SDHAF3: variants seen among roughly 807,000 people sequenced by gnomAD.
The protein encoded by SDHAF3 is succinate dehydrogenase assembly factor 3, mitochondrial.
SDHAF3 carries 18 observed loss-of-function variants against 11.5 expected under a neutral mutation model. The ratio of observed to expected loss-of-function variants is 1.56; its 90% CI spans 1.08 to 2.32. The LOEUF is 2.32. Ranked by LOEUF, SDHAF3 falls within the 30% of genes most tolerant of loss-of-function variation. The probability of loss-of-function intolerance (pLI) is 0.00; values close to 1 mark genes in which losing one functional copy is unlikely to be tolerated. For synonymous variants in SDHAF3, 72 were observed against 59.3 expected (o/e 1.21, Z -0.99); for missense variants, 200 against 154.4 (o/e 1.30, Z -1.57).
At chr7:97,146,062 G>C (rs1312298810) in intron 1 of SDHAF3, among the ~76,000 whole-genome samples, 1 of 151,948 alleles carries the variant, frequency 6.6e-6, no homozygotes, top group African/African-American at 2.4e-5. Flanking sequence ...TGATGACCTG[G>C]AAAAGATAAA....
chr7:97,122,917 C>CTT (rs59277904), intron 1 of SDHAF3, among the ~76,000 whole-genome samples: 4 of 147,004 alleles, frequency 2.7e-5, no homozygotes, highest in South Asian at 4.3e-4. Flanking sequence ...TTTTTCTTTT[C>CTT]TTTTTTTTTT....
At chr7:97,158,110 C>T (rs1346880484) in intron 1 of SDHAF3, among the ~76,000 whole-genome samples, 1 of 144,504 alleles carries the variant, frequency 6.9e-6, no homozygotes, top group Non-Finnish European at 1.6e-5. Context: ...ACGTTGTGCA[C>T]AGGTTAACTT....
intron 1 of SDHAF3, among the ~76,000 whole-genome samples, chr7:97,166,777 A>G (rs1200609019): frequency 6.6e-6 from 1 of 152,052 alleles, no homozygotes; most frequent in African/African-American, 2.4e-5. Flanking sequence ...TTTTAGGTTT[A>G]CAGGAATTAT....
At chr7:97,163,800 C>T (rs1311442942) in intron 1 of SDHAF3, among the ~76,000 whole-genome samples, 1 of 152,048 alleles carries the variant, frequency 6.6e-6, no homozygotes, top group African/African-American at 2.4e-5. Context: ...CAATTGTTTC[C>T]TTTCCATGTT....
chr7:97,144,296 C>G (rs1789103712), intron 1 of SDHAF3, among the ~76,000 whole-genome samples: 1 of 152,222 alleles, frequency 6.6e-6, no homozygotes, highest in African/African-American at 2.4e-5. Flanking sequence ...TGTCTGTTTG[C>G]TGACTGTCCT....
rs142355289 is a variant in SDHAF3, at chr7:97,140,499, G to A, written c.174+22602G>A. Among the ~76,000 whole-genome samples, 1,198 of 152,008 alleles carry A rather than the reference G, an allele frequency of 7.9e-3. 9 individuals carry two copies. The highest frequency in any genetic ancestry group is 0.011 in the Non-Finnish European group (738 of 67,940). ...TAGCTGGGACTACATGTTGCAGGAA[G>A]TCAGGGACCCCGAATGGAGGGACCA... On this transcript the variant is annotated intron_variant, in intron 1 of 1. Coordinates refer to ENST00000432641, the MANE Select transcript of SDHAF3 (RefSeq NM_020186.3).
chr7:97,172,823 TATA>T (rs1004828588), intron 1 of SDHAF3, among the ~76,000 whole-genome samples: 5 of 152,208 alleles, frequency 3.3e-5, no homozygotes, highest in Admixed American at 3.3e-4. Flanking sequence ...AAAAAATTAT[TATA>T]ATAAGATGTT....
intron 1 of SDHAF3, among the ~76,000 whole-genome samples, chr7:97,151,161 A>C (rs1463561735): frequency 1.3e-5 from 2 of 152,060 alleles, no homozygotes; most frequent in Non-Finnish European, 2.9e-5. Context: ...TTTACTGCAC[A>C]CTCCGAAGTT....
intron 1 of SDHAF3, among the ~76,000 whole-genome samples, chr7:97,174,651 T>G (rs981686716): frequency 3.9e-5 from 6 of 152,220 alleles, no homozygotes; most frequent in African/African-American, 1.4e-4. Context: ...AGAGTGTCCC[T>G]TAATTGAACT....
intron 1 of SDHAF3, chr7:97,135,682 A>ATATATTT (rs1491358723): frequency 6.5e-5 from 4 of 61,830 alleles, no homozygotes; most frequent in African/African-American, 2.2e-4. Context: ...ATATATATAT[A>ATATATTT]TTTTTTTTTT....
intron 1 of SDHAF3, among the ~76,000 whole-genome samples, chr7:97,160,857 T>C (rs1789397326): frequency 6.6e-6 from 1 of 152,194 alleles, no homozygotes; most frequent in African/African-American, 2.4e-5. Context: ...TTTTCTTTTT[T>C]AAGTAGGAAA....
At chr7:97,148,618 GATTTA>G (rs1396531083) in intron 1 of SDHAF3, among the ~76,000 whole-genome samples, 7 of 152,146 alleles carry the variant, frequency 4.6e-5, no homozygotes, top group Non-Finnish European at 1.0e-4. Context: ...CCTGTTCCTA[GATTTA>G]ATTTAACTGG....
In SDHAF3 at chr7:97,147,814, A is replaced by T. The variant is rs557807454; in HGVS notation, c.174+29917A>T. Among the ~76,000 whole-genome samples the T allele has an allele frequency of 1.2e-4, 18 of 152,348 alleles. No individual in the cohort carries two copies. In the South Asian group the frequency reaches 2.9e-3, roughly 25 times the overall value. Reference sequence around the variant, plus strand: ...CATTCCTCTCAAAGACTCTAATAAGAACATTGTTTCTTACTTTGGTACTCT... The same window carrying T: ...CATTCCTCTCAAAGACTCTAATAAGTACATTGTTTCTTACTTTGGTACTCT... On this transcript the variant is annotated intron_variant, in intron 1 of 1. Coordinates refer to ENST00000432641, the MANE Select transcript of SDHAF3 (RefSeq NM_020186.3).
intron 1 of SDHAF3, among the ~76,000 whole-genome samples, chr7:97,167,044 ATTT>A (rs71131005): frequency 6.8e-6 from 1 of 147,688 alleles, no homozygotes; most frequent in African/African-American, 2.5e-5. Flanking sequence ...ACTTTCAGTG[ATTT>A]TTTTTTTTTT....
At chr7:97,173,119 G>A (rs1184859209) in intron 1 of SDHAF3, among the ~76,000 whole-genome samples, 2 of 152,238 alleles carry the variant, frequency 1.3e-5, no homozygotes, top group Non-Finnish European at 2.9e-5. Flanking sequence ...CTGACAGGAG[G>A]TAGAGCTCAG....
chr7:97,162,346 G>A (rs924201853), intron 1 of SDHAF3, among the ~76,000 whole-genome samples: 1 of 151,952 alleles, frequency 6.6e-6, no homozygotes. Flanking sequence ...TGGCTTCATT[G>A]ATTTTTTTTG....
intron 1 of SDHAF3, among the ~76,000 whole-genome samples, chr7:97,149,850 A>T (rs1789190909): frequency 6.6e-6 from 1 of 152,244 alleles, no homozygotes; most frequent in South Asian, 2.1e-4. Flanking sequence ...GATCTGTAGC[A>T]TGCAATGCTG....
chr7:97,150,426 C>T (rs111467143), intron 1 of SDHAF3, among the ~76,000 whole-genome samples: 37 of 152,090 alleles, frequency 2.4e-4, no homozygotes, highest in Non-Finnish European at 4.6e-4. Context: ...TTACTTGATC[C>T]GTGGGGCTAC....
chr7:97,121,731 T>C (rs1036066545), intron 1 of SDHAF3, among the ~76,000 whole-genome samples: 1 of 152,020 alleles, frequency 6.6e-6, no homozygotes, highest in African/African-American at 2.4e-5. Flanking sequence ...CTACACAAGA[T>C]GGTTAAGTCT....
Sources: allele counts gnomAD v4.1 joint callset (sites outside exome capture counted in the v4.1 genomes callset), GRCh38; gene constraint gnomAD v4.1.1; transcripts MANE v1.5; gene names NCBI Gene and HGNC (gene_info 2026-07-23, HGNC 2026-07-21).